Variants in CPSF3 observed in about 807,000 individuals in gnomAD.
The protein encoded by CPSF3 is cleavage and polyadenylation specific factor 3, also known as cleavage and polyadenylation specificity factor subunit 3.
In CPSF3, 57 loss-of-function variants were observed where a neutral mutation model predicts 84.1. The observed-to-expected ratio is 0.68, with a 90% CI of 0.55 to 0.85. CPSF3 has a LOEUF of 0.85. Ranked by LOEUF, CPSF3 falls within the 40% of genes least tolerant of loss-of-function variation. The pLI, the probability that CPSF3 is intolerant of heterozygous loss-of-function variation, is 0.00. For missense variants in CPSF3, 522 were observed against 838.8 expected, an observed-to-expected ratio of 0.62 and a Z score of 4.66; for synonymous variants, 275 against 278.1, an observed-to-expected ratio of 0.99 and a Z score of 0.11.
intron 12 of CPSF3, among the ~76,000 whole-genome samples, chr2:9,453,354 G>C (rs940519757): frequency 6.6e-6 from 1 of 152,182 alleles, no homozygotes; most frequent in Non-Finnish European, 1.5e-5. Flanking sequence ...TGGTTTTTAT[G>C]ACCTTTGCAT....
chr2:9,466,214 A>G (rs570169311), intron 15 of CPSF3, among the ~76,000 whole-genome samples: 2,568 of 149,988 alleles, frequency 0.017, 112 homozygotes, highest in African/African-American at 0.061. Flanking sequence ...ACACGCGCAC[A>G]CACGCACGCA....
chr2:9,434,109 G>A (rs1329852322), intron 6 of CPSF3, 149 bp downstream of exon 6: 2 of 541,812 alleles, frequency 3.7e-6, no homozygotes, highest in South Asian at 2.5e-5. Flanking sequence ...GGCCGGGCAC[G>A]GTGGCTCACA....
At chr2:9,457,310 C>A (rs901519611) in intron 14 of CPSF3, among the ~76,000 whole-genome samples, 3 of 151,884 alleles carry the variant, frequency 2.0e-5, no homozygotes, top group Admixed American at 2.0e-4. Flanking sequence ...ATAGTCCTTT[C>A]CTATAAGTCT....
intron 1 of CPSF3, chr2:9,424,410 G>C (rs763666671): frequency 1.1e-4 from 31 of 273,674 alleles, no homozygotes; most frequent in Non-Finnish European, 1.6e-4. Flanking sequence ...CTCAGCCCTC[G>C]ACTGTCCATA....
chr2:9,430,429 G>A (rs1680546297), intron 3 of CPSF3, among the ~76,000 whole-genome samples: 2 of 146,810 alleles, frequency 1.4e-5, no homozygotes, highest in Non-Finnish European at 2.9e-5. Context: ...ACCTCAGGGA[G>A]ATATCCATGT....
At chr2:9,442,853 C>CAA (rs1217742306) in intron 9 of CPSF3, among the ~76,000 whole-genome samples, 8 of 101,460 alleles carry the variant, frequency 7.9e-5, no homozygotes, top group African/African-American at 1.6e-4. Flanking sequence ...ACTCCATCTC[C>CAA]AAAAAAAAAA....
rs1302012664 is a variant in CPSF3, at chr2:9,457,780, T to C, written c.1698+753T>C. Among the ~76,000 whole-genome samples, 3 of 151,340 alleles carry C rather than the reference T, an allele frequency of 2.0e-5. No individual in the cohort carries two copies. In the East Asian group the frequency reaches 5.8e-4, roughly 29 times the overall value. Reference sequence around the variant, plus strand: ...TTTTTTTTCTTTTTTTGAGACAGAGTCTTACTCTGTCACCCAGGCTGGAGT... The same window carrying C: ...TTTTTTTTCTTTTTTTGAGACAGAGCCTTACTCTGTCACCCAGGCTGGAGT... On this transcript the variant is annotated intron_variant, in intron 14 of 17. Coordinates refer to ENST00000238112, the MANE Select transcript of CPSF3 (RefSeq NM_016207.4).
intron 17 of CPSF3, among the ~76,000 whole-genome samples, 153 bp from the exon 18 acceptor site, chr2:9,472,763 C>A (rs1014710595): frequency 1.3e-5 from 2 of 152,120 alleles, no homozygotes; most frequent in African/African-American, 4.8e-5. Flanking sequence ...AGTGATCCTC[C>A]CACCTCAGAC....
At chr2:9,439,764 G>T (rs1442202872) in intron 7 of CPSF3, among the ~76,000 whole-genome samples, 1 of 151,976 alleles carries the variant, frequency 6.6e-6, no homozygotes, top group Non-Finnish European at 1.5e-5. Flanking sequence ...TGGGCAGGAG[G>T]ATCACTTAAG....
In CPSF3 at chr2:9,471,539, T is replaced by C. The variant is rs1269322180; in HGVS notation, c.1953+100T>C. 4.1e-6 allele frequency: 3 copies of C among 734,540 alleles called. No individual in the cohort carries two copies. In the Admixed American group the frequency reaches 6.4e-5, roughly 16 times the overall value. The allele number at this position is 734,540 out of a possible 1,614,324, so 45.5% of individuals were successfully genotyped here. A position where few individuals can be genotyped will look rare whatever the true frequency, so the allele number is the denominator to read the frequency against. On this transcript the variant is annotated intron_variant, in intron 17 of 17. Coordinates refer to ENST00000238112, the MANE Select transcript of CPSF3 (RefSeq NM_016207.4). ...CACTCAACAGTCTACTGTTGCATAT[T>C]GGCATTTGCTTCCAGTGTTTCCAAC...
intron 16 of CPSF3, 103 bp from the exon 17 acceptor site, chr2:9,471,240 C>A: frequency 1.4e-6 from 1 of 697,070 alleles, no homozygotes; most frequent in Non-Finnish European, 2.6e-6. Flanking sequence ...AAAGTAAATA[C>A]AGTATTCTGC....
At chr2:9,452,880 G>A (rs184687372) in intron 11 of CPSF3, 33 bp from the exon 12 acceptor site, 18 of 1,439,992 alleles carry the variant, frequency 1.3e-5, no homozygotes, top group Non-Finnish European at 1.7e-5. Flanking sequence ...ATTTTACCAG[G>A]TTCTATTTTC....
At chr2:9,431,317 G>A (rs1680577349) in intron 4 of CPSF3, among the ~76,000 whole-genome samples, 1 of 152,324 alleles carries the variant, frequency 6.6e-6, no homozygotes, top group South Asian at 2.1e-4. Context: ...GCCTCCCAGA[G>A]TGCTGGGATT....
rs1681918046 is a variant in CPSF3 at position 9,466,240 on chromosome 2, G to GCACGCACGCGCACA, written c.1787-1459_1787-1446dup. Among the ~76,000 whole-genome samples, 3 of 126,588 alleles carry GCACGCACGCGCACA rather than the reference G, an allele frequency of 2.4e-5. 1 individual carries two copies. Among genetic ancestry groups the GCACGCACGCGCACA allele is most frequent in the Admixed American group, 2.3e-4 (3 of 12,938 alleles). The allele number at this position is 126,588 out of a possible 152,430, so 83.0% of individuals were successfully genotyped here. A position where few individuals can be genotyped will look rare whatever the true frequency, so the allele number is the denominator to read the frequency against. ...CACGCACGCACACACACACGTGCGC[G>GCACGCACGCGCACA]CACGCACGCGCACACACGCACACAA... is the stretch of plus-strand genomic sequence containing the variant. On this transcript the variant is annotated intron_variant, in intron 15 of 17. Transcript: ENST00000238112.
intron 11 of CPSF3, among the ~76,000 whole-genome samples, chr2:9,450,966 T>G (rs138395809): frequency 1.3e-5 from 2 of 151,704 alleles, no homozygotes; most frequent in East Asian, 3.8e-4. Context: ...ACAAAACTTT[T>G]CAGGGGCCGA....
At chr2:9,446,338 T>C (rs1681121659) in intron 10 of CPSF3, among the ~76,000 whole-genome samples, 1 of 152,090 alleles carries the variant, frequency 6.6e-6, no homozygotes, top group Non-Finnish European at 1.5e-5. Context: ...CCCAGCATTT[T>C]GGGAGGCCAA....
intron 16 of CPSF3, 127 bp from the exon 17 acceptor site, chr2:9,471,216 A>G: frequency 1.8e-6 from 1 of 565,456 alleles, no homozygotes. Flanking sequence ...TCCATCTCAA[A>G]AAAAAAAAGA....
intron 6 of CPSF3, 64 bp downstream of exon 6, chr2:9,434,024 A>G: frequency 1.1e-6 from 1 of 900,854 alleles, no homozygotes; most frequent in Non-Finnish European, 1.8e-6. Flanking sequence ...CTTTTGGAAA[A>G]TAATACTGTG....
chr2:9,448,276 G>A lies in CPSF3; in HGVS notation c.1321G>A (p.Val441Ile). The A allele has an allele frequency of 6.2e-7, 1 of 1,612,798 alleles. No homozygotes were observed. Among genetic ancestry groups the A allele is most frequent in the Non-Finnish European group, 8.5e-7 (1 of 1,178,908 alleles). Residue 441 changes from valine (V) to isoleucine (I), a missense_variant, in exon 11 of 18, where the codon GTT becomes ATT. Around this residue, in one of 2 missense-constraint regions of CPSF3, gnomAD observed 329 missense variants for 607.2 expected, o/e 0.54. Transcript: ENST00000238112. ...LIREYEDNDE[V>I]HIEVHNPRNT... ...TCGAGAATATGAAGATAACGATGAA[G>A]TTCACATAGAGGTTCATAATCCTCG...
Sources: allele counts gnomAD v4.1 joint callset (sites outside exome capture counted in the v4.1 genomes callset), GRCh38; gene constraint gnomAD v4.1.1; regional missense constraint gnomAD v4.1.1; transcripts MANE v1.5; gene names NCBI Gene and HGNC (gene_info 2026-07-23, HGNC 2026-07-21).